The following SNX9 variants were observed in gnomAD, a reference collection of about 807,000 sequenced individuals.
The protein encoded by SNX9 is sorting nexin 9, also known as sorting nexin-9.
Under a neutral mutation model 89.4 loss-of-function variants are expected in SNX9, and 44 were observed. That is an observed-to-expected ratio of 0.49 (90% CI 0.39 to 0.63). The LOEUF (loss-of-function observed/expected upper bound fraction) is 0.63. Among genes scored for constraint, SNX9 ranks in the 30% least tolerant of loss-of-function variants. The pLI is 0.00. For missense variants in SNX9, 578 were observed against 736.1 expected (o/e 0.79, Z 2.49); for synonymous variants, 236 against 247.8 (o/e 0.95, Z 0.45).
At chr6:157,919,552 ATTCT>A (rs2115190118) in intron 9 of SNX9, among the ~76,000 whole-genome samples, 1 of 151,812 alleles carries the variant, frequency 6.6e-6, no homozygotes, top group East Asian at 1.9e-4. Context: ...TTTCCATGTG[ATTCT>A]TTTTTGGTAA....
chr6:157,857,630 G>A (rs1022560880), intron 1 of SNX9, among the ~76,000 whole-genome samples: 1 of 146,942 alleles, frequency 6.8e-6, no homozygotes, highest in Non-Finnish European at 1.5e-5. Flanking sequence ...TGTGGACTTC[G>A]TACTTTTCTA....
intron 1 of SNX9, among the ~76,000 whole-genome samples, chr6:157,827,002 T>A (rs12662313): frequency 6.7e-5 from 1 of 14,850 alleles, no homozygotes; most frequent in Non-Finnish European, 9.3e-5. Flanking sequence ...AATATATACA[T>A]ATATATTATA....
At chr6:157,852,440 C>T (rs559706403) in intron 1 of SNX9, among the ~76,000 whole-genome samples, 11 of 152,162 alleles carry the variant, frequency 7.2e-5, no homozygotes, top group Non-Finnish European at 1.3e-4. Flanking sequence ...CCTTCCTCCT[C>T]TCGCTACCAT....
intron 13 of SNX9, among the ~76,000 whole-genome samples, chr6:157,932,949 T>G (rs1026201486): frequency 2.7e-5 from 4 of 150,700 alleles, no homozygotes; most frequent in African/African-American, 9.8e-5. Context: ...GTAACAAGTG[T>G]GTGTTGCCTG....
intron 1 of SNX9, among the ~76,000 whole-genome samples, chr6:157,854,556 C>T (rs950404138): frequency 6.6e-6 from 1 of 152,176 alleles, no homozygotes; most frequent in African/African-American, 2.4e-5. Context: ...ACACGTATGG[C>T]AAATTTATAA....
chr6:157,883,128 C>T (rs752743247), intron 4 of SNX9, among the ~76,000 whole-genome samples: 12 of 152,126 alleles, frequency 7.9e-5, no homozygotes, highest in Non-Finnish European at 1.5e-4. Context: ...ACAAGACCCC[C>T]CCGCCACCCC....
chr6:157,910,896 C>T (rs534382997), intron 9 of SNX9, among the ~76,000 whole-genome samples: 16 of 152,130 alleles, frequency 1.1e-4, no homozygotes, highest in South Asian at 2.1e-4. Flanking sequence ...CCGAGGCGGG[C>T]GGATCACGAG....
At chr6:157,832,063 A>G (rs1453904902) in intron 1 of SNX9, among the ~76,000 whole-genome samples, 1 of 152,252 alleles carries the variant, frequency 6.6e-6, no homozygotes, top group Non-Finnish European at 1.5e-5. Flanking sequence ...TATTAAAAGC[A>G]CATGATAGAC....
chr6:157,872,537 C>T (rs1042540857), intron 2 of SNX9: 1 of 152,490 alleles, frequency 6.6e-6, no homozygotes, highest in African/African-American at 2.4e-5. Flanking sequence ...GGTAGCCTCA[C>T]TCATGAGTCT....
chr6:157,937,419 T>A lies in SNX9; in HGVS notation c.1444-15T>A. On this transcript the variant is annotated splice_polypyrimidine_tract_variant and intron_variant, in intron 14 of 17. Coordinates refer to ENST00000392185, the MANE Select transcript of SNX9 (RefSeq NM_016224.5). ...ATTTCTCTGCCAGTAACAATCAGCTTGTATCTTGTTATAGCCAAAGAAAGA... is the reference window on the plus strand; with the variant it reads ...ATTTCTCTGCCAGTAACAATCAGCTAGTATCTTGTTATAGCCAAAGAAAGA... 6.3e-7 allele frequency: 1 copy of A among 1,580,418 alleles called. No individual in the cohort carries two copies. Among genetic ancestry groups the A allele is most frequent in the Non-Finnish European group, 8.7e-7 (1 of 1,149,828 alleles).
intron 4 of SNX9, among the ~76,000 whole-genome samples, chr6:157,882,519 G>A (rs1203297143): frequency 6.6e-6 from 1 of 152,138 alleles, no homozygotes; most frequent in African/African-American, 2.4e-5. Context: ...ATGGATCTGG[G>A]CAAAGTACAT....
chr6:157,882,553 A>G (rs1281263328), intron 4 of SNX9, among the ~76,000 whole-genome samples: 2 of 152,236 alleles, frequency 1.3e-5, no homozygotes, highest in African/African-American at 4.8e-5. Flanking sequence ...AAAAGGATTC[A>G]TCGTTCTGGA....
At chr6:157,938,890 CT>C (rs1783980391) in intron 16 of SNX9, 143 bp downstream of exon 16, 3 of 597,488 alleles carry the variant, frequency 5.0e-6, no homozygotes, top group Non-Finnish European at 9.1e-6. Context: ...GATCCCGGTG[CT>C]GATGAAAATC....
At chr6:157,837,694 GTAT>G (rs1781613067) in intron 1 of SNX9, among the ~76,000 whole-genome samples, 2 of 152,332 alleles carry the variant, frequency 1.3e-5, no homozygotes, top group South Asian at 4.1e-4. Flanking sequence ...ATCCACCCAT[GTAT>G]TATTATAGGA....
rs560222687 is a variant in SNX9 at position 157,898,049 on chromosome 6, A to G, written c.472+1051A>G. Among the ~76,000 whole-genome samples the G allele has an allele frequency of 5.3e-5, 8 of 152,314 alleles. No homozygotes were observed. The South Asian group carries it at 1.7e-3, about 32-fold the overall frequency. On this transcript the variant is annotated intron_variant, in intron 5 of 17. Transcript: ENST00000392185. ...CAGAGACCAAATATCAGAACAAAAG[A>G]TACACCTTGCACACCTAACATTCAG...
intron 1 of SNX9, among the ~76,000 whole-genome samples, chr6:157,855,374 T>G (rs1368651140): frequency 6.6e-6 from 1 of 152,208 alleles, no homozygotes; most frequent in African/African-American, 2.4e-5. Context: ...TATATGTCAG[T>G]TTGCAAAAGT....
At chr6:157,938,777 G>A (rs1241888921) in intron 16 of SNX9, 30 bp downstream of exon 16, 2 of 1,546,068 alleles carry the variant, frequency 1.3e-6, no homozygotes, top group Non-Finnish European at 1.8e-6. Flanking sequence ...ATGAGGTGCT[G>A]GTGGAAGTTT....
chr6:157,909,882 C>T (rs370388943), intron 8 of SNX9, 26 bp from the exon 9 acceptor site: 1 of 1,612,460 alleles, frequency 6.2e-7, no homozygotes, highest in Non-Finnish European at 8.5e-7. Flanking sequence ...GCATTGGTAA[C>T]CTTTTCTCTT....
chr6:157,873,759 T>A (rs951023002), intron 3 of SNX9, among the ~76,000 whole-genome samples: 2 of 152,098 alleles, frequency 1.3e-5, no homozygotes, highest in Admixed American at 1.3e-4. Context: ...TAAGTGCATA[T>A]CTCAGTTCCT....
Sources: allele counts gnomAD v4.1 joint callset (sites outside exome capture counted in the v4.1 genomes callset), GRCh38; gene constraint gnomAD v4.1.1; transcripts MANE v1.5; gene names NCBI Gene and HGNC (gene_info 2026-07-23, HGNC 2026-07-21).